VPS50: variants seen among roughly 807,000 people sequenced by gnomAD.
VPS50 encodes VPS50 subunit of EARP/GARPII complex.
A neutral mutation model predicts 139.7 loss-of-function variants in VPS50; 70 were observed. The ratio of observed to expected loss-of-function variants is 0.50; its 90% CI spans 0.41 to 0.61. The LOEUF (loss-of-function observed/expected upper bound fraction) is 0.61, where lower values mean the gene tolerates loss of function less well. VPS50 is among the 20% of genes least tolerant of loss of function. The pLI is 0.00. For synonymous variants in VPS50, 365 were observed against 376.7 expected (o/e 0.97, Z 0.36); for missense variants, 921 against 1,133.7 (o/e 0.81, Z 2.69).
At chr7:93,347,807 C>T (rs189947959) in intron 23 of VPS50, among the ~76,000 whole-genome samples, 101 of 126,642 alleles carry the variant, frequency 8.0e-4, no homozygotes, top group Non-Finnish European at 1.3e-3. Context: ...AGGGAAACAT[C>T]ACACTCTGGG....
At chr7:93,237,362 G>T (rs1318769477) in intron 1 of VPS50, among the ~76,000 whole-genome samples, 2 of 152,154 alleles carry the variant, frequency 1.3e-5, no homozygotes, top group Admixed American at 1.3e-4. Flanking sequence ...ACAAACTCAA[G>T]TGGTCTGCTC....
chr7:93,307,029 A>C (rs1299930269), intron 18 of VPS50, among the ~76,000 whole-genome samples: 1 of 151,898 alleles, frequency 6.6e-6, no homozygotes. Context: ...TTGGAATAAT[A>C]TATCTCTCTA....
chr7:93,351,509 G>C lies in VPS50; in HGVS notation c.2463+1476G>C, dbSNP rs181079148. Among the ~76,000 whole-genome samples the C allele has an allele frequency of 2.6e-5, 4 of 152,260 alleles. No individual in the cohort carries two copies. In the East Asian group the frequency reaches 7.7e-4, roughly 29 times the overall value. ...TATTTCTCACCGTTCTGGAGGCTGA[G>C]AAGTTCAAGATCAAGATCAAGGCTC... On this transcript the variant is annotated intron_variant, in intron 25 of 27. Coordinates refer to ENST00000305866, the MANE Select transcript of VPS50 (RefSeq NM_017667.4).
At position 93,356,824 on chromosome 7, in the gene VPS50, A is replaced by C. The variant is rs562901448; in HGVS notation, c.2775+744A>C. ...CCTATGAATGTCATGGGTAAAAGCT[A>C]AGTCAAGTTTTATTTCATTTGGGTA... On this transcript the variant is annotated intron_variant, in intron 27 of 27. Transcript: ENST00000305866. Among the ~76,000 whole-genome samples the C allele has an allele frequency of 6.6e-5, 10 of 152,290 alleles. No homozygotes were observed. In the South Asian group the frequency reaches 2.1e-3, roughly 32 times the overall value.
At chr7:93,334,249 G>A in intron 22 of VPS50, 52 bp downstream of exon 22, 1 of 999,960 alleles carries the variant, frequency 1.0e-6, no homozygotes, top group Non-Finnish European at 1.6e-6. Flanking sequence ...ATGGAAATTA[G>A]CTATTCAATC....
intron 20 of VPS50, among the ~76,000 whole-genome samples, chr7:93,313,468 G>A (rs1459143408): frequency 1.3e-5 from 2 of 152,146 alleles, no homozygotes; most frequent in Admixed American, 1.3e-4. Flanking sequence ...CTAAGACAAA[G>A]TTGAAGAGTG....
chr7:93,263,264 TA>T (rs1174721912), intron 9 of VPS50, among the ~76,000 whole-genome samples: 1 of 152,250 alleles, frequency 6.6e-6, no homozygotes, highest in Non-Finnish European at 1.5e-5. Flanking sequence ...TTTTACATTC[TA>T]GTAATCTTAG....
At chr7:93,337,876 T>G (rs1297382057) in intron 22 of VPS50, among the ~76,000 whole-genome samples, 3 of 152,124 alleles carry the variant, frequency 2.0e-5, no homozygotes, top group Non-Finnish European at 4.4e-5. Context: ...AAAGCAGCCC[T>G]GCTTGCCTTA....
chr7:93,266,085 G>C (rs1795836337), intron 9 of VPS50, among the ~76,000 whole-genome samples: 1 of 152,192 alleles, frequency 6.6e-6, no homozygotes, highest in Admixed American at 6.5e-5. Flanking sequence ...CTTCCTGTAA[G>C]TAGATTGAAA....
rs186327200 is a variant in VPS50 at position 93,358,921 on chromosome 7, G to T, written c.*485G>T. On this transcript the variant is annotated 3_prime_UTR_variant, in exon 28 of 28. Transcript: ENST00000305866. ...AGTAAAATAGTTGAAAAATCAGTAT[G>T]TTCTCTGTTTTTAAAATGTCAAAGT... 7.2e-3 allele frequency: 1,106 copies of T among 152,948 alleles called. 6 individuals carry two copies. The highest frequency in any genetic ancestry group is 0.024 in the Middle Eastern group (7 of 294). The allele number at this position is 152,948 out of a possible 1,614,324, so 9.5% of individuals were successfully genotyped here. A position where few individuals can be genotyped will look rare whatever the true frequency, so the allele number is the denominator to read the frequency against.
At chr7:93,288,449 A>G (rs1177540635) in intron 12 of VPS50, among the ~76,000 whole-genome samples, 1 of 152,188 alleles carries the variant, frequency 6.6e-6, no homozygotes, top group Non-Finnish European at 1.5e-5. Context: ...AACATGGTGC[A>G]TATGTATTTT....
At position 93,232,513 on chromosome 7, in the gene VPS50, G is replaced by A. The variant is rs754379780; in HGVS notation, c.33+13G>A. On this transcript the variant is annotated intron_variant, in intron 1 of 27. Coordinates refer to ENST00000305866, the MANE Select transcript of VPS50 (RefSeq NM_017667.4). ...CATGACCCGACAGGTAAGTCGCGGC[G>A]GCTGAAGCAAAGGCTTCCTTCATCT... is the stretch of plus-strand genomic sequence containing the variant. The A allele has an allele frequency of 3.7e-5, 60 of 1,611,958 alleles. No homozygotes were observed. Among genetic ancestry groups the A allele is most frequent in the Non-Finnish European group, 4.8e-5 (57 of 1,178,336 alleles).
chr7:93,353,895 A>G, intron 26 of VPS50, 134 bp downstream of exon 26: 1 of 700,324 alleles, frequency 1.4e-6, no homozygotes. Flanking sequence ...ATATAATTAG[A>G]GAAGAAACCT....
chr7:93,318,502 T>C (rs1300755479), intron 20 of VPS50, among the ~76,000 whole-genome samples: 1 of 152,232 alleles, frequency 6.6e-6, no homozygotes, highest in African/African-American at 2.4e-5. Flanking sequence ...TATTCATTGA[T>C]GGTGTCTCAA....
chr7:93,279,279 A>G (rs1301018125), intron 12 of VPS50, among the ~76,000 whole-genome samples: 1 of 152,188 alleles, frequency 6.6e-6, no homozygotes, highest in African/African-American at 2.4e-5. Flanking sequence ...AAATCAGGTA[A>G]GATTTGGAAG....
chr7:93,355,284 G>T (rs984440046), intron 26 of VPS50, among the ~76,000 whole-genome samples: 1 of 152,060 alleles, frequency 6.6e-6, no homozygotes, highest in Admixed American at 6.6e-5. Flanking sequence ...GTGTTGTATT[G>T]TTAGGGTTTG....
Position 93,349,866 on chromosome 7 carries a change from T to A in VPS50, c.2305-9T>A. On this transcript the variant is annotated splice_polypyrimidine_tract_variant and intron_variant, in intron 24 of 27. Transcript: ENST00000305866. ...ATAATTGTTTTCATTTTTGTGAAAT[T>A]TATTTCAGACAGTCTCAACCGCCAG... The A allele has an allele frequency of 6.3e-7, 1 of 1,596,416 alleles. No individual in the cohort carries two copies. The highest frequency in any genetic ancestry group is 8.5e-7 in the Non-Finnish European group (1 of 1,173,102).
chr7:93,293,483 A>T (rs1417321964), intron 13 of VPS50, among the ~76,000 whole-genome samples: 1 of 152,194 alleles, frequency 6.6e-6, no homozygotes, highest in Admixed American at 6.6e-5. Flanking sequence ...TATTTTATGG[A>T]TATTCAAGTG....
intron 12 of VPS50, among the ~76,000 whole-genome samples, chr7:93,287,494 G>A (rs1254731728): frequency 8.0e-5 from 12 of 150,396 alleles, no homozygotes; most frequent in Non-Finnish European, 1.5e-4. Flanking sequence ...GAAGATAGTA[G>A]GTTTAAGTTT....
Sources: allele counts gnomAD v4.1 joint callset (sites outside exome capture counted in the v4.1 genomes callset), GRCh38; gene constraint gnomAD v4.1.1; transcripts MANE v1.5; gene names NCBI Gene and HGNC (gene_info 2026-07-23, HGNC 2026-07-21).